The following FOXN3 variants were observed in gnomAD, a reference collection of about 807,000 sequenced individuals.
The protein encoded by FOXN3 is forkhead box N3, also known as forkhead box protein N3.
In FOXN3, 7 loss-of-function variants were observed where a neutral mutation model predicts 38.4. The observed-to-expected ratio is 0.18, with a 90% CI of 0.10 to 0.34. FOXN3 has a LOEUF of 0.34. FOXN3 is among the 10% of genes least tolerant of loss of function. FOXN3 has a pLI of 1.00. For synonymous variants in FOXN3, 230 were observed against 242.2 expected (o/e 0.95, Z 0.47); for missense variants, 456 against 613.4 (o/e 0.74, Z 2.71).
chr14:89,546,329 C>CTTTTTTCTTTTTTTTTTTTTTTT (rs1894879994), intron 1 of FOXN3, among the ~76,000 whole-genome samples: 1 of 78,314 alleles, frequency 1.3e-5, no homozygotes, highest in Non-Finnish European at 2.3e-5. Flanking sequence ...TTTCCTTTTT[C>CTTTTTTCTTTTTTTTTTTTTTTT]TTTTTTTTTT....
chr14:89,332,519 T>TTTA (rs1312432379), intron 3 of FOXN3, among the ~76,000 whole-genome samples: 2 of 152,158 alleles, frequency 1.3e-5, no homozygotes, highest in Admixed American at 6.6e-5. Flanking sequence ...TCTAAAGACT[T>TTTA]TGTTAAAACG....
At chr14:89,473,993 T>C (rs1294780746) in intron 1 of FOXN3, among the ~76,000 whole-genome samples, 1 of 152,236 alleles carries the variant, frequency 6.6e-6, no homozygotes, top group Non-Finnish European at 1.5e-5. Flanking sequence ...CACATATGTC[T>C]TACACAGTTG....
Position 89,162,551 on chromosome 14 carries a change from G to C in FOXN3, c.1270C>G (p.Pro424Ala), listed in dbSNP as rs769483320. 3 of 1,613,900 alleles carry C rather than the reference G, an allele frequency of 1.9e-6. No homozygotes were observed. Among genetic ancestry groups the C allele is most frequent in the Non-Finnish European group, 2.5e-6 (3 of 1,179,958 alleles). ...TTCATCTCCTCATCATCGCTCTCGG[G>C]GGGCTTTTCGGTGCGTCTCTTTTTG... The part of the protein sequence containing the change: ...PLKKRRTEKP[P>A]ESDDEEMKEA... The change falls in exon 6 of 6, where the codon CCC becomes GCC. Residue 424 changes from proline (P) to alanine (A), a missense_variant. This residue lies in a region of FOXN3 where 386 missense variants were observed against 505.2 expected (regional missense o/e 0.76). Coordinates refer to ENST00000557258, the MANE Select transcript of FOXN3 (RefSeq NM_005197.4). The surrounding 1 kb of genome is among the most constrained non-coding windows in gnomAD (Gnocchi z 7.2).
intron 1 of FOXN3, among the ~76,000 whole-genome samples, chr14:89,440,810 T>C (rs1242133995): frequency 1.3e-5 from 2 of 152,182 alleles, no homozygotes; most frequent in Admixed American, 6.5e-5. Flanking sequence ...AAAAGTACAC[T>C]GCAAAGCAGT....
At chr14:89,434,532 A>T (rs1036048980) in intron 1 of FOXN3, among the ~76,000 whole-genome samples, 7 of 152,058 alleles carry the variant, frequency 4.6e-5, no homozygotes, top group Admixed American at 4.6e-4. Flanking sequence ...GCCTGGCCTT[A>T]TCAGAATCTT....
At chr14:89,364,493 G>A (rs1262537882) in intron 2 of FOXN3, 3 of 152,454 alleles carry the variant, frequency 2.0e-5, no homozygotes, top group Non-Finnish European at 2.9e-5. Context: ...CCAACAGGCA[G>A]GGAGGAGAGG....
chr14:89,547,428 TTTTG>T (rs928184373), intron 1 of FOXN3, among the ~76,000 whole-genome samples: 1 of 151,810 alleles, frequency 6.6e-6, no homozygotes, highest in Non-Finnish European at 1.5e-5. Context: ...CTAATTGTTT[TTTTG>T]TTTGTTTGTT....
At chr14:89,362,681 T>C (rs71415420) in intron 2 of FOXN3, among the ~76,000 whole-genome samples, 1 of 36 alleles carries the variant, frequency 0.028, no homozygotes, top group African/African-American at 0.045. Context: ...TCCACCACCA[T>C]CTCCACCACC....
chr14:89,348,870 T>C (rs1888859127), intron 3 of FOXN3, among the ~76,000 whole-genome samples: 2 of 152,318 alleles, frequency 1.3e-5, no homozygotes, highest in South Asian at 4.1e-4. Context: ...CCAGAGCTCC[T>C]CTATAATCCT....
chr14:89,514,285 G>A (rs1489656056), intron 1 of FOXN3, among the ~76,000 whole-genome samples: 6 of 152,148 alleles, frequency 3.9e-5, no homozygotes, highest in South Asian at 4.1e-4. Flanking sequence ...GCTTCTGGGC[G>A]GCAGGTCTCA....
chr14:89,332,554 C>G (rs935430676), intron 3 of FOXN3, among the ~76,000 whole-genome samples: 3 of 152,106 alleles, frequency 2.0e-5, no homozygotes, highest in African/African-American at 7.2e-5. Context: ...AAAATCCACT[C>G]AAGATGGATT....
At chr14:89,274,449 G>C (rs929112739) in intron 4 of FOXN3, among the ~76,000 whole-genome samples, 1 of 152,226 alleles carries the variant, frequency 6.6e-6, no homozygotes, top group Non-Finnish European at 1.5e-5. Flanking sequence ...AGGTACCAGA[G>C]TGACTGACAT....
intron 1 of FOXN3, among the ~76,000 whole-genome samples, chr14:89,558,114 G>C (rs1288779449): frequency 6.6e-6 from 1 of 152,178 alleles, no homozygotes; most frequent in East Asian, 1.9e-4. Flanking sequence ...CTTTAAAATA[G>C]AGTAACCTTA....
intron 5 of FOXN3, among the ~76,000 whole-genome samples, chr14:89,176,242 C>T (rs1781405630): frequency 2.0e-5 from 3 of 152,106 alleles, no homozygotes; most frequent in Admixed American, 1.3e-4. Context: ...TAATTATATG[C>T]AAAGGAACCT....
intron 2 of FOXN3, among the ~76,000 whole-genome samples, chr14:89,390,059 AAAT>A (rs199685237): frequency 1.3e-5 from 2 of 151,544 alleles, no homozygotes; most frequent in Admixed American, 6.6e-5. Flanking sequence ...ATCTTTACAA[AAAT>A]AATAATAATA....
chr14:89,180,587 A>T, intron 5 of FOXN3, 114 bp downstream of exon 5: 1 of 652,490 alleles, frequency 1.5e-6, no homozygotes, highest in Non-Finnish European at 2.4e-6. Flanking sequence ...AACCAGGTTT[A>T]TTGCTGTCAC....
intron 3 of FOXN3, among the ~76,000 whole-genome samples, chr14:89,333,970 A>G (rs528525317): frequency 0.38 from 966 of 2,576 alleles, 36 homozygotes; most frequent in African/African-American, 0.39. Context: ...TGGTGTGTAT[A>G]TATATATATA....
intron 1 of FOXN3, among the ~76,000 whole-genome samples, chr14:89,511,136 CTTTCT>C (rs1555358040): frequency 1.3e-4 from 4 of 30,290 alleles, no homozygotes; most frequent in African/African-American, 2.5e-4. Context: ...TTCTTTCTTT[CTTTCT>C]TTTCTTTCTT....
chr14:89,383,029 G>GTTTTTTTTTTTTT (rs57032907), intron 2 of FOXN3, among the ~76,000 whole-genome samples: 1 of 92,542 alleles, frequency 1.1e-5, no homozygotes, highest in African/African-American at 4.1e-5. Flanking sequence ...TTTGGGTGGT[G>GTTTTTTTTTTTTT]TTTTTTTTTT....
Sources: gnomAD v4.1 joint callset for allele counts (sites outside exome capture counted in the v4.1 genomes callset) on GRCh38, gnomAD v4.1.1 for gene constraint, gnomAD v4.1.1 regional missense constraint, Gnocchi (gnomAD v3.1) non-coding constraint, MANE v1.5 for transcripts, NCBI Gene and HGNC (gene_info 2026-07-23, HGNC 2026-07-21) for gene names.